The following CNTNAP4 variants were observed in gnomAD, a reference collection of about 807,000 sequenced individuals.
CNTNAP4 encodes contactin-associated protein-like 4.
Under a neutral mutation model 148.4 loss-of-function variants are expected in CNTNAP4, and 98 were observed. The observed-to-expected ratio is 0.66, with a 90% confidence interval of 0.56 to 0.78. The LOEUF is 0.78. Ranked by LOEUF, CNTNAP4 falls within the 30% of genes least tolerant of loss-of-function variation. The pLI, the probability that CNTNAP4 is intolerant of heterozygous loss-of-function variation, is 0.00. For missense variants in CNTNAP4, 1,935 were observed against 1,565.6 expected (o/e 1.24, Z -3.98); for synonymous variants, 730 against 565.1 (o/e 1.29, Z -4.14).
intron 3 of CNTNAP4, among the ~76,000 whole-genome samples, chr16:76,393,354 C>T (rs1023313405): frequency 1.3e-5 from 2 of 152,186 alleles, no homozygotes; most frequent in Admixed American, 6.5e-5. Flanking sequence ...ACTTTATATG[C>T]TGTCATTTAC....
chr16:76,364,515 A>G (rs1461635518), intron 3 of CNTNAP4, among the ~76,000 whole-genome samples: 1 of 152,160 alleles, frequency 6.6e-6, no homozygotes, highest in Admixed American at 6.5e-5. Context: ...TGTATCTCAC[A>G]TTCTACCATG....
Position 76,395,822 on chromosome 16 carries a change from G to A in CNTNAP4, c.391-31630G>A, listed in dbSNP as rs547961989. On this transcript the variant is annotated intron_variant, in intron 3 of 23. Coordinates refer to ENST00000611870, the MANE Select transcript of CNTNAP4 (RefSeq NM_033401.5). ...CAGCTCACTGTAACTTCCACTTCCC[G>A]AGTTCAAGTGATCCTCCTGCCTCAG... Among the ~76,000 whole-genome samples, 350 of 150,718 alleles carry A rather than the reference G, an allele frequency of 2.3e-3. 1 individual carries two copies. The highest frequency in any genetic ancestry group is 8.1e-3 in the African/African-American group (333 of 41,020).
chr16:76,533,550 T>C (rs1325916764), intron 17 of CNTNAP4, among the ~76,000 whole-genome samples: 1 of 152,196 alleles, frequency 6.6e-6, no homozygotes, highest in African/African-American at 2.4e-5. Context: ...ATCTGATCAC[T>C]AATATCATGT....
chr16:76,514,355 A>C (rs78695860), intron 15 of CNTNAP4, among the ~76,000 whole-genome samples: 24,155 of 152,246 alleles, frequency 0.16, 2,474 homozygotes, highest in Admixed American at 0.3. Flanking sequence ...AAATAAAATT[A>C]TATGTGTGTA....
chr16:76,343,354 AGATG>A (rs774704406), intron 2 of CNTNAP4, among the ~76,000 whole-genome samples: 2 of 152,154 alleles, frequency 1.3e-5, no homozygotes, highest in Non-Finnish European at 2.9e-5. Context: ...AATAGAAATA[AGATG>A]GAGATAAACA....
intron 3 of CNTNAP4, among the ~76,000 whole-genome samples, chr16:76,376,252 A>G (rs73615704): frequency 6.2e-4 from 94 of 152,358 alleles, no homozygotes; most frequent in African/African-American, 2.2e-3. Flanking sequence ...TTCAGCTAAA[A>G]GGTGAGAGTA....
At chr16:76,376,326 C>T (rs1402731426) in intron 3 of CNTNAP4, among the ~76,000 whole-genome samples, 2 of 151,990 alleles carry the variant, frequency 1.3e-5, no homozygotes, top group African/African-American at 2.4e-5. Context: ...AAAGAGAAAA[C>T]AGCAAATACT....
Position 76,449,870 on chromosome 16 carries a change from T to C in CNTNAP4, c.1071+12T>C, listed in dbSNP as rs1274350232. 1 of 1,591,968 alleles carries C rather than the reference T, an allele frequency of 6.3e-7. No homozygotes were observed. Among genetic ancestry groups the C allele is most frequent in the East Asian group, 2.3e-5 (1 of 44,118 alleles). Reference sequence around the variant, plus strand: ...AGATCATTGCTATGGTGAGAGTCTTTATGCGAAGACATTAGTAAAACTATA... The same window carrying C: ...AGATCATTGCTATGGTGAGAGTCTTCATGCGAAGACATTAGTAAAACTATA... On this transcript the variant is annotated intron_variant, in intron 7 of 23. Transcript: ENST00000611870.
At chr16:76,419,009 T>A (rs1442375914) in intron 3 of CNTNAP4, among the ~76,000 whole-genome samples, 1 of 152,002 alleles carries the variant, frequency 6.6e-6, no homozygotes, top group Non-Finnish European at 1.5e-5. Flanking sequence ...TATCCAGTAT[T>A]ATTGCACTGG....
intron 2 of CNTNAP4, among the ~76,000 whole-genome samples, chr16:76,330,335 T>C (rs1211878232): frequency 1.3e-5 from 2 of 152,208 alleles, no homozygotes; most frequent in African/African-American, 4.8e-5. Flanking sequence ...TTGCTGCTAC[T>C]GTAATGCAGT....
chr16:76,558,511 T>C lies in CNTNAP4; in HGVS notation c.3755T>C (p.Phe1252Ser). Reference protein sequence around the residue: ...VIGGLIAVVIFILLCITAIAV... With the variant: ...VIGGLIAVVISILLCITAIAV... ...CTAGGTCTGATAGCTGTTGTGATTTTTATCTTGCTTTGCATCACTGCCATA... is the reference window on the plus strand; with the variant it reads ...CTAGGTCTGATAGCTGTTGTGATTTCTATCTTGCTTTGCATCACTGCCATA... Residue 1252 changes from phenylalanine (F) to serine (S), a missense_variant, in exon 24 of 24, where the codon TTT becomes TCT. Physicochemically the swap from Phe to Ser is radical, Grantham distance 155 (BLOSUM62 -2). Coordinates refer to ENST00000611870, the MANE Select transcript of CNTNAP4 (RefSeq NM_033401.5). The C allele has an allele frequency of 6.2e-7, 1 of 1,606,946 alleles. No homozygotes were observed. Among genetic ancestry groups the C allele is most frequent in the Non-Finnish European group, 8.5e-7 (1 of 1,174,868 alleles).
chr16:76,498,262 C>T (rs1283153483), intron 14 of CNTNAP4, among the ~76,000 whole-genome samples: 2 of 152,062 alleles, frequency 1.3e-5, no homozygotes, highest in East Asian at 1.9e-4. Context: ...TGTGGTGGTA[C>T]ACATCTGTAA....
intron 2 of CNTNAP4, among the ~76,000 whole-genome samples, chr16:76,336,461 T>C (rs1314582748): frequency 6.6e-6 from 1 of 152,174 alleles, no homozygotes. Context: ...GAAAAAGTTA[T>C]TAAACACTTA....
At chr16:76,311,615 G>A (rs1961121308) in intron 1 of CNTNAP4, among the ~76,000 whole-genome samples, 1 of 152,140 alleles carries the variant, frequency 6.6e-6, no homozygotes, top group Non-Finnish European at 1.5e-5. Context: ...ATTCTAATAT[G>A]ACTGAGAAAA....
chr16:76,505,114 A>G (rs560762269), intron 15 of CNTNAP4, among the ~76,000 whole-genome samples: 2 of 152,256 alleles, frequency 1.3e-5, no homozygotes, highest in South Asian at 4.1e-4. Flanking sequence ...CCATCTTAGG[A>G]TTTTATCCAA....
chr16:76,304,301 G>A (rs1411696293), intron 1 of CNTNAP4, among the ~76,000 whole-genome samples: 3 of 152,086 alleles, frequency 2.0e-5, no homozygotes, highest in African/African-American at 7.2e-5. Flanking sequence ...ACAATATTCT[G>A]GCTTCAGTGC....
At chr16:76,437,843 A>G (rs1828131861) in intron 4 of CNTNAP4, among the ~76,000 whole-genome samples, 1 of 152,172 alleles carries the variant, frequency 6.6e-6, no homozygotes, top group South Asian at 2.1e-4. Context: ...GTTCAAGCTA[A>G]CTATGACGGT....
intron 3 of CNTNAP4, among the ~76,000 whole-genome samples, chr16:76,404,189 T>A (rs2078519534): frequency 6.6e-6 from 1 of 151,218 alleles, no homozygotes; most frequent in African/African-American, 2.4e-5. Flanking sequence ...GTTAAAAAAA[T>A]TCAGTAAAGT....
intron 3 of CNTNAP4, among the ~76,000 whole-genome samples, chr16:76,392,676 A>G (rs79475557): frequency 6.6e-6 from 1 of 152,218 alleles, no homozygotes; most frequent in East Asian, 1.9e-4. Context: ...GCCTCAGTCA[A>G]ACACAAAGAA....
Sources: allele counts gnomAD v4.1 joint callset (sites outside exome capture counted in the v4.1 genomes callset), GRCh38; gene constraint gnomAD v4.1.1; transcripts MANE v1.5; gene names NCBI Gene and HGNC (gene_info 2026-07-23, HGNC 2026-07-21).